Variants in SLC35F1 observed in about 807,000 individuals in gnomAD.
SLC35F1 encodes solute carrier family 35 member F1, also known as chromosome 6 open reading frame 169.
Under a neutral mutation model 48.7 loss-of-function variants are expected in SLC35F1, and 14 were observed. The ratio of observed to expected loss-of-function variants is 0.29; its 90% confidence interval spans 0.19 to 0.45. The LOEUF is 0.45. SLC35F1 is among the 20% of genes least tolerant of loss of function. The pLI, the probability that SLC35F1 is intolerant of heterozygous loss-of-function variation, is 1.00. For missense variants in SLC35F1, 404 were observed against 500.0 expected, an observed-to-expected ratio of 0.81 and a Z score of 1.83; for synonymous variants, 190 against 202.2, an observed-to-expected ratio of 0.94 and a Z score of 0.51.
chr6:118,063,162 C>G (rs532466186), intron 1 of SLC35F1, among the ~76,000 whole-genome samples: 1 of 152,030 alleles, frequency 6.6e-6, no homozygotes, highest in South Asian at 2.1e-4. Context: ...TTATACTTTC[C>G]CATATATTGT....
At chr6:118,079,190 T>C (rs915906093) in intron 1 of SLC35F1, among the ~76,000 whole-genome samples, 1 of 152,176 alleles carries the variant, frequency 6.6e-6, no homozygotes, top group African/African-American at 2.4e-5. Context: ...TATTAAGCAA[T>C]AACTCTTCAT....
At chr6:118,295,782 T>C (rs543822491) in intron 7 of SLC35F1, among the ~76,000 whole-genome samples, 1 of 152,330 alleles carries the variant, frequency 6.6e-6, no homozygotes, top group Non-Finnish European at 1.5e-5. Flanking sequence ...ATTTAAAAAT[T>C]AATACTTAGC....
Position 117,983,876 on chromosome 6 carries a change from C to T in SLC35F1, c.173+75977C>T, listed in dbSNP as rs562128324. Among the ~76,000 whole-genome samples, 116 of 152,190 alleles carry T rather than the reference C, an allele frequency of 7.6e-4. 1 individual carries two copies. Among genetic ancestry groups the T allele is most frequent in the Middle Eastern group, 3.4e-3 (1 of 294 alleles). ...TTAGGCATGTAGGTGAATCTAAACTCGTGTGTCTAGGCCACTGTATAAAAT... is the reference window on the plus strand; with the variant it reads ...TTAGGCATGTAGGTGAATCTAAACTTGTGTGTCTAGGCCACTGTATAAAAT... On this transcript the variant is annotated intron_variant, in intron 1 of 7. Coordinates refer to ENST00000360388, the MANE Select transcript of SLC35F1 (RefSeq NM_001029858.4).
At chr6:118,039,179 T>C (rs1772175476) in intron 1 of SLC35F1, among the ~76,000 whole-genome samples, 1 of 152,186 alleles carries the variant, frequency 6.6e-6, no homozygotes, top group Admixed American at 6.5e-5. Flanking sequence ...CAAGATGTTG[T>C]CTTACTGTCT....
chr6:118,144,343 A>G (rs902763044), intron 1 of SLC35F1, among the ~76,000 whole-genome samples: 11 of 152,230 alleles, frequency 7.2e-5, no homozygotes, highest in Admixed American at 6.5e-4. Flanking sequence ...AGGAACAGAA[A>G]ACCAAACACA....
At chr6:118,233,822 C>T (rs1357969115) in intron 2 of SLC35F1, among the ~76,000 whole-genome samples, 1 of 152,140 alleles carries the variant, frequency 6.6e-6, no homozygotes, top group Non-Finnish European at 1.5e-5. Context: ...GAGCGCAGTT[C>T]CCTGATACAG....
At chr6:118,245,150 G>A (rs1007039682) in intron 3 of SLC35F1, among the ~76,000 whole-genome samples, 3 of 152,204 alleles carry the variant, frequency 2.0e-5, no homozygotes, top group Non-Finnish European at 2.9e-5. Flanking sequence ...CAAAGAAACT[G>A]TACTTTCTTT....
In SLC35F1 at chr6:118,228,515, C is replaced by A. The variant is rs543801057; in HGVS notation, c.350-6994C>A. ...CCCAGGAGTTTGAGACCAGCCTGGG[C>A]AACATGACGAAATCCCGACTCTATA... On this transcript the variant is annotated intron_variant, in intron 2 of 7. Transcript: ENST00000360388. 1.8e-3 allele frequency among the ~76,000 whole-genome samples: 277 copies of A among 152,074 alleles called. 1 individual carries two copies. Among genetic ancestry groups the A allele is most frequent in the Non-Finnish European group, 3.1e-4 (21 of 67,984 alleles).
At position 118,036,984 on chromosome 6, in the gene SLC35F1, A is replaced by T. The variant is rs552333040; in HGVS notation, c.174-117461A>T. The stretch of plus-strand genomic sequence containing the variant: ...TTAATTTTTGTAACATATATATTTG[A>T]GGGTCTATTATCAAACACATGTCTC... On this transcript the variant is annotated intron_variant, in intron 1 of 7. Transcript: ENST00000360388. Among the ~76,000 whole-genome samples, 9 of 152,230 alleles carry T rather than the reference A, an allele frequency of 5.9e-5. No homozygotes were observed. The East Asian group carries it at 1.7e-3, about 29-fold the overall frequency.
At chr6:118,130,678 A>G (rs1395871973) in intron 1 of SLC35F1, among the ~76,000 whole-genome samples, 1 of 130,470 alleles carries the variant, frequency 7.7e-6, no homozygotes, top group Non-Finnish European at 1.8e-5. Flanking sequence ...CTCTTAAGGT[A>G]GTTTTTTTTT....
At chr6:118,070,345 G>A (rs1422263180) in intron 1 of SLC35F1, among the ~76,000 whole-genome samples, 5 of 152,022 alleles carry the variant, frequency 3.3e-5, no homozygotes, top group Non-Finnish European at 1.5e-5. Context: ...TTTCCAAGTG[G>A]CAGTTATGTT....
intron 2 of SLC35F1, among the ~76,000 whole-genome samples, chr6:118,161,452 A>C (rs941297529): frequency 3.9e-5 from 6 of 152,232 alleles, no homozygotes; most frequent in Admixed American, 6.5e-5. Flanking sequence ...GCATGTGGGC[A>C]TAATGAGAAA....
intron 2 of SLC35F1, among the ~76,000 whole-genome samples, chr6:118,159,523 G>A (rs979743142): frequency 4.6e-5 from 7 of 152,114 alleles, no homozygotes; most frequent in African/African-American, 1.4e-4. Flanking sequence ...AAACGTATGC[G>A]TTTGCCTAGG....
intron 3 of SLC35F1, among the ~76,000 whole-genome samples, chr6:118,247,470 A>G (rs1446519081): frequency 6.6e-6 from 1 of 152,242 alleles, no homozygotes; most frequent in African/African-American, 2.4e-5. Flanking sequence ...TCCCAGTACC[A>G]GGGGCTAAGC....
chr6:118,179,904 G>A (rs1342967906), intron 2 of SLC35F1, among the ~76,000 whole-genome samples: 3 of 152,044 alleles, frequency 2.0e-5, no homozygotes, highest in Non-Finnish European at 4.4e-5. Flanking sequence ...TGCCAATATG[G>A]CATTCAAAAG....
intron 7 of SLC35F1, among the ~76,000 whole-genome samples, chr6:118,292,027 A>T (rs1377367856): frequency 1.3e-5 from 2 of 152,190 alleles, no homozygotes; most frequent in African/African-American, 4.8e-5. Context: ...CTGAGACAGG[A>T]GAATTGCTTG....
chr6:118,012,823 T>C (rs924698653), intron 1 of SLC35F1, among the ~76,000 whole-genome samples: 1 of 152,238 alleles, frequency 6.6e-6, no homozygotes, highest in Non-Finnish European at 1.5e-5. Flanking sequence ...AAGTCTTTTA[T>C]GTGATCCACA....
intron 2 of SLC35F1, among the ~76,000 whole-genome samples, chr6:118,224,670 G>A (rs1775191839): frequency 6.6e-6 from 1 of 152,204 alleles, no homozygotes; most frequent in African/African-American, 2.4e-5. Context: ...ATTAGTAGCT[G>A]TTATAAATGG....
chr6:118,310,861 G>A (rs1776364455), intron 7 of SLC35F1, among the ~76,000 whole-genome samples: 3 of 152,140 alleles, frequency 2.0e-5, no homozygotes, highest in South Asian at 2.1e-4. Flanking sequence ...TCCAAAAAAG[G>A]GATGATCCTT....
Sources: allele counts gnomAD v4.1 joint callset (sites outside exome capture counted in the v4.1 genomes callset), GRCh38; gene constraint gnomAD v4.1.1; transcripts MANE v1.5; gene names NCBI Gene and HGNC (gene_info 2026-07-23, HGNC 2026-07-21).